Variants in CNOT9 observed in about 807,000 individuals in gnomAD.
The protein encoded by CNOT9 is RCD1 required for cell differentiation1 homolog.
A neutral mutation model predicts 37.4 loss-of-function variants in CNOT9; 8 were observed. The observed-to-expected ratio is 0.21, with a 90% CI of 0.13 to 0.39. The LOEUF is 0.39. Ranked by LOEUF, CNOT9 falls within the 10% of genes least tolerant of loss-of-function variation. CNOT9 has a pLI of 1.00. For missense variants in CNOT9, 154 were observed against 365.3 expected, an observed-to-expected ratio of 0.42 and a Z score of 4.71; for synonymous variants, 120 against 137.6, an observed-to-expected ratio of 0.87 and a Z score of 0.90.
chr2:218,588,707 C>T (rs1034811455), intron 5 of CNOT9, among the ~76,000 whole-genome samples: 6 of 143,874 alleles, frequency 4.2e-5, no homozygotes, highest in African/African-American at 1.5e-4. Context: ...GCTGGGACTA[C>T]AGGCACACAC....
At chr2:218,571,192 CTTTA>C (rs1231485614) in intron 1 of CNOT9, among the ~76,000 whole-genome samples, 1 of 152,194 alleles carries the variant, frequency 6.6e-6, no homozygotes, top group Non-Finnish European at 1.5e-5. Context: ...GTATCTGTGA[CTTTA>C]TTTATCTCTT....
Position 218,568,958 on chromosome 2 carries a change from C to G in CNOT9, c.4C>G (p.His2Asp). The G allele has an allele frequency of 6.2e-7, 1 of 1,610,354 alleles. No homozygotes were observed. The highest frequency in any genetic ancestry group is 8.5e-7 in the Non-Finnish European group (1 of 1,178,470). The change falls in exon 1 of 8, where the codon CAC becomes GAC. Residue 2 changes from histidine (H) to aspartate (D), a missense_variant. His to Asp is a moderately conservative substitution (Grantham distance 81). Around this residue, in one of 2 missense-constraint regions of CNOT9, gnomAD observed 37 missense variants for 39.9 expected, o/e 0.93. Coordinates refer to ENST00000273064, the MANE Select transcript of CNOT9 (RefSeq NM_005444.3). M[H>D]SLATAAPVPT... Reference sequence around the variant, plus strand: ...GAGAGCGGCGGCCGCTCACAACATGCACAGCCTGGCGACGGCTGCGGTGAG... The same window carrying G: ...GAGAGCGGCGGCCGCTCACAACATGGACAGCCTGGCGACGGCTGCGGTGAG...
At chr2:218,574,915 G>A (rs558243621) in intron 1 of CNOT9, among the ~76,000 whole-genome samples, 19 of 152,172 alleles carry the variant, frequency 1.2e-4, no homozygotes, top group African/African-American at 4.6e-4. Flanking sequence ...CACTTAAAAT[G>A]AGTTCACTTT....
At chr2:218,589,358 A>G (rs1694701110) in intron 5 of CNOT9, 1 of 152,158 alleles carries the variant, frequency 6.6e-6, no homozygotes, top group Non-Finnish European at 1.5e-5. Flanking sequence ...TTATTTATTT[A>G]GAGACAGGAT....
At position 218,592,587 on chromosome 2, in the gene CNOT9, A is replaced by G; in HGVS notation, c.640-29A>G. On this transcript the variant is annotated intron_variant, in intron 6 of 7. Coordinates refer to ENST00000273064, the MANE Select transcript of CNOT9 (RefSeq NM_005444.3). This position sits in a 1 kb window ranked among gnomAD's most constrained non-coding sequence, Gnocchi z 4.1. ...TGTTTGTGTTTTGTGTGTTTTTTCC[A>G]ACCCCTCCCCTTATTTTGGGGGAAA... 1.2e-6 allele frequency: 2 copies of G among 1,607,970 alleles called. No individual in the cohort carries two copies. Among genetic ancestry groups the G allele is most frequent in the Non-Finnish European group, 1.7e-6 (2 of 1,174,422 alleles).
intron 2 of CNOT9, chr2:218,581,071 T>A (rs1694356312): frequency 6.2e-6 from 3 of 484,580 alleles, no homozygotes; most frequent in East Asian, 1.2e-4. Flanking sequence ...TAAATCTACA[T>A]GACAGGGGGA....
chr2:218,570,808 T>C (rs1386057385), intron 1 of CNOT9, among the ~76,000 whole-genome samples: 2 of 152,228 alleles, frequency 1.3e-5, no homozygotes, highest in South Asian at 2.1e-4. Context: ...ACATTACTTA[T>C]AATAAGTACT....
intron 7 of CNOT9, chr2:218,593,629 A>G: frequency 7.0e-7 from 1 of 1,423,876 alleles, no homozygotes; most frequent in Non-Finnish European, 9.3e-7. Flanking sequence ...TTCACTGCTC[A>G]TCTCTTATTA....
intron 4 of CNOT9, 34 bp from the exon 5 acceptor site, chr2:218,587,550 CTG>C (rs1326631328): frequency 6.5e-7 from 1 of 1,534,762 alleles, no homozygotes; most frequent in Non-Finnish European, 8.8e-7. Context: ...GAAACCCTAA[CTG>C]TAAAATAATT....
At chr2:218,587,978 C>T (rs1313680793) in intron 5 of CNOT9, among the ~76,000 whole-genome samples, 1 of 152,024 alleles carries the variant, frequency 6.6e-6, no homozygotes, top group Non-Finnish European at 1.5e-5. Context: ...CAATCCTGCT[C>T]CTTCTATAAC....
At chr2:218,591,452 G>A (rs1694772234) in intron 5 of CNOT9, among the ~76,000 whole-genome samples, 1 of 152,054 alleles carries the variant, frequency 6.6e-6, no homozygotes. Flanking sequence ...AACAAAAAAG[G>A]CCTTATCTCA....
chr2:218,571,112 A>G (rs1280355270), intron 1 of CNOT9, among the ~76,000 whole-genome samples: 1 of 152,246 alleles, frequency 6.6e-6, no homozygotes, highest in Non-Finnish European at 1.5e-5. Context: ...TAATTAATGC[A>G]TGCAACCGTG....
At chr2:218,589,843 T>C (rs1694716787) in intron 5 of CNOT9, among the ~76,000 whole-genome samples, 1 of 152,180 alleles carries the variant, frequency 6.6e-6, no homozygotes, top group African/African-American at 2.4e-5. Context: ...ATATTCAATA[T>C]ATGGATGACT....
At chr2:218,593,589 A>G in intron 7 of CNOT9, 1 of 1,494,798 alleles carries the variant, frequency 6.7e-7, no homozygotes, top group Non-Finnish European at 8.9e-7. Context: ...TTAAAAGTTC[A>G]TCTGATAATA....
chr2:218,593,823 AAATCAGAAAG>A (rs1361564230), intron 7 of CNOT9: 3 of 1,238,566 alleles, frequency 2.4e-6, no homozygotes, highest in East Asian at 5.5e-5. Flanking sequence ...AGTATTTAAT[AAATCAGAAAG>A]CTGTTTGAAT....
Position 218,592,511 on chromosome 2 carries a change from G to A in CNOT9, c.640-105G>A, listed in dbSNP as rs1694813708. The A allele has an allele frequency of 2.0e-6, 3 of 1,480,036 alleles. No homozygotes were observed. The African/African-American group carries it at 4.2e-5, about 20-fold the overall frequency. The allele number at this position is 1,480,036 out of a possible 1,614,324, so 91.7% of individuals were successfully genotyped here. ...TCCTCTGACTAGAACTAACAATTTT[G>A]GAACCTTTTATGATTCTTGGACTAT... On this transcript the variant is annotated intron_variant, in intron 6 of 7. Coordinates refer to ENST00000273064, the MANE Select transcript of CNOT9 (RefSeq NM_005444.3). This position sits in a 1 kb window ranked among gnomAD's most constrained non-coding sequence, Gnocchi z 4.1.
chr2:218,586,221 T>C (rs937608630), intron 4 of CNOT9, among the ~76,000 whole-genome samples: 1 of 152,102 alleles, frequency 6.6e-6, no homozygotes, highest in South Asian at 2.1e-4. Context: ...ATGGACTGAA[T>C]TGTGTCCTCC....
chr2:218,592,827 T>C lies in CNOT9; in HGVS notation c.731+120T>C. On this transcript the variant is annotated intron_variant, in intron 7 of 7. Transcript: ENST00000273064. The surrounding 1 kb of genome is among the most constrained non-coding windows in gnomAD (Gnocchi z 4.1). Reference sequence around the variant, plus strand: ...AAGTGGGGATATAACTGCATTTAGTTTGTCTGAGACAGAACTTAGATTCTT... The same window carrying C: ...AAGTGGGGATATAACTGCATTTAGTCTGTCTGAGACAGAACTTAGATTCTT... The C allele has an allele frequency of 1.3e-6, 1 of 762,334 alleles. No homozygotes were observed. The highest frequency in any genetic ancestry group is 2.5e-5 in the East Asian group (1 of 39,980). The allele number at this position is 762,334 out of a possible 1,614,324, so 47.2% of individuals were successfully genotyped here.
chr2:218,581,283 C>G (rs1412870905), intron 2 of CNOT9, among the ~76,000 whole-genome samples: 1 of 151,574 alleles, frequency 6.6e-6, no homozygotes, highest in Non-Finnish European at 1.5e-5. Context: ...GTTCTCCTGC[C>G]TCAGCCTCCT....
Sources: allele counts gnomAD v4.1 joint callset (sites outside exome capture counted in the v4.1 genomes callset), GRCh38; gene constraint gnomAD v4.1.1; regional missense constraint gnomAD v4.1.1; non-coding constraint Gnocchi (gnomAD v3.1); transcripts MANE v1.5; gene names NCBI Gene and HGNC (gene_info 2026-07-23, HGNC 2026-07-21).